YIF1A: variants seen among roughly 807,000 people sequenced by gnomAD.
YIF1A encodes protein YIF1A.
In YIF1A, 28 loss-of-function variants were observed where a neutral mutation model predicts 32.6. That is an observed-to-expected ratio of 0.86 (90% CI 0.64 to 1.18). The LOEUF (loss-of-function observed/expected upper bound fraction) is 1.18. Among genes scored for constraint, YIF1A ranks in the 50% most tolerant of loss-of-function variants. The pLI, the probability that YIF1A is intolerant of heterozygous loss-of-function variation, is 0.00. For missense variants in YIF1A, 373 were observed against 390.8 expected (o/e 0.95, Z 0.38); for synonymous variants, 175 against 162.2 (o/e 1.08, Z -0.60).
intron 1 of YIF1A, among the ~76,000 whole-genome samples, 165 bp downstream of exon 1, chr11:66,288,790 G>A (rs1857404487): frequency 6.6e-6 from 1 of 152,224 alleles, no homozygotes; most frequent in Non-Finnish European, 1.5e-5. Flanking sequence ...ACTGGGCCGA[G>A]AGGGCGAAGT....
chr11:66,288,373 G>A (rs1590897422), intron 1 of YIF1A, 81 bp from the exon 2 acceptor site: 4 of 1,555,052 alleles, frequency 2.6e-6, no homozygotes, highest in Non-Finnish European at 3.5e-6. Context: ...TGGCTGGACA[G>A]CCCTGCACGG....
chr11:66,288,765 C>A (rs918338571), intron 1 of YIF1A, among the ~76,000 whole-genome samples, 190 bp downstream of exon 1: 1 of 152,236 alleles, frequency 6.6e-6, no homozygotes, highest in Non-Finnish European at 1.5e-5. Context: ...CCGACTCCGG[C>A]ATGGGATTCC....
chr11:66,285,551 G>C lies in YIF1A; in HGVS notation c.486-15C>G, dbSNP rs1167070977. The C allele has an allele frequency of 6.2e-7, 1 of 1,612,798 alleles. No individual in the cohort carries two copies. The highest frequency in any genetic ancestry group is 1.7e-5 in the Admixed American group (1 of 60,024). ...CCGGGGAGAACCTGCGCCAAAGCAG[G>C]GGTGGCTCAGAGCCAGGCATCCTGA... On this transcript the variant is annotated splice_polypyrimidine_tract_variant and intron_variant, in intron 5 of 7. Transcript: ENST00000376901.
At position 66,287,606 on chromosome 11, in the gene YIF1A, TA is replaced by T. The variant is rs762897969; in HGVS notation, c.418del (p.Tyr140IlefsTer41). 2.5e-6 allele frequency: 4 copies of T among 1,612,444 alleles called. No individual in the cohort carries two copies. The African/African-American group carries it at 5.3e-5, about 22-fold the overall frequency. ...PRQDLNAPDL[Y>X]IPTMAFITYV... ...CCAGGTTGGAGACTCACTGGGGATATAGAGGTCAGGGGCGTTGAGGTCTTGC... is the reference window on the plus strand; with the variant it reads ...CCAGGTTGGAGACTCACTGGGGATATGAGGTCAGGGGCGTTGAGGTCTTGC... On this transcript the variant is annotated frameshift_variant, in exon 4 of 8. Transcript: ENST00000376901. LOFTEE classifies it high-confidence loss of function.
Position 66,284,957 on chromosome 11 carries a change from G to C in YIF1A, c.651C>G (p.Leu217=), listed in dbSNP as rs878951599. 5 of 1,613,260 alleles carry C rather than the reference G, an allele frequency of 3.1e-6. No individual in the cohort carries two copies. The South Asian group carries it at 5.5e-5, about 18-fold the overall frequency. Residue 217 remains leucine, a synonymous_variant, in exon 7 of 8, where the codon CTC becomes CTG. Coordinates refer to ENST00000376901, the MANE Select transcript of YIF1A (RefSeq NM_020470.3). The stretch of plus-strand genomic sequence containing the variant: ...CGAACAGCAGCCCCGTGAGCACACT[G>C]AGGATCATTCTGGGGGTGGGAGGAG... The part of the protein sequence containing the change: ...YSGYKYVGMI[L]SVLTGLLFGS...
At chr11:66,288,431 G>C (rs978044903) in intron 1 of YIF1A, 139 bp from the exon 2 acceptor site, 7 of 913,360 alleles carry the variant, frequency 7.7e-6, no homozygotes, top group Non-Finnish European at 1.2e-5. Context: ...GGGTGAGGGG[G>C]AGCTAACTGA....
At chr11:66,288,621 G>C (rs1173821577) in intron 1 of YIF1A, among the ~76,000 whole-genome samples, 1 of 152,230 alleles carries the variant, frequency 6.6e-6, no homozygotes, top group Non-Finnish European at 1.5e-5. Context: ...ATAACTGGGA[G>C]GGCATCCTTC....
intron 3 of YIF1A, 50 bp from the exon 4 acceptor site, chr11:66,287,726 A>C: frequency 6.2e-7 from 1 of 1,610,598 alleles, no homozygotes; most frequent in Non-Finnish European, 8.5e-7. Context: ...GAAGAAGAGA[A>C]AAGAGGAGAG....
intron 1 of YIF1A, 79 bp downstream of exon 1, chr11:66,288,876 A>AT (rs1857407995): frequency 7.1e-7 from 1 of 1,403,384 alleles, no homozygotes; most frequent in Admixed American, 3.4e-5. Flanking sequence ...CCCAGTCGCT[A>AT]TCTCCCTCGG....
Position 66,284,942 on chromosome 11 carries a change from C to A in YIF1A, c.666G>T (p.Gly222=). The A allele has an allele frequency of 6.2e-7, 1 of 1,613,298 alleles. No individual in the cohort carries two copies. Among genetic ancestry groups the A allele is most frequent in the Non-Finnish European group, 8.5e-7 (1 of 1,179,968 alleles). ...YVGMILSVLT[G]LLFGSDGYYV... is the part of the protein sequence containing the mutation. ...AGTAGCCATCGCTGCCGAACAGCAGCCCCGTGAGCACACTGAGGATCATTC... is the reference window on the plus strand; with the variant it reads ...AGTAGCCATCGCTGCCGAACAGCAGACCCGTGAGCACACTGAGGATCATTC... The change falls in exon 7 of 8, where the codon GGG becomes GGT. Residue 222 remains glycine, a synonymous_variant. Transcript: ENST00000376901.
At chr11:66,288,449 CTG>C (rs1857398744) in intron 1 of YIF1A, among the ~76,000 whole-genome samples, 157 bp from the exon 2 acceptor site, 1 of 152,232 alleles carries the variant, frequency 6.6e-6, no homozygotes, top group Non-Finnish European at 1.5e-5. Context: ...TGAGAAAAAA[CTG>C]TGATGAGGGA....
chr11:66,288,382 G>C (rs530405286), intron 1 of YIF1A, 90 bp from the exon 2 acceptor site: 5 of 1,492,178 alleles, frequency 3.4e-6, no homozygotes, highest in Non-Finnish European at 4.6e-6. Flanking sequence ...AGCCCTGCAC[G>C]GGTCCTGGAG....
At chr11:66,288,917 C>A (rs538197086) in intron 1 of YIF1A, 38 bp downstream of exon 1, 45 of 1,460,512 alleles carry the variant, frequency 3.1e-5, no homozygotes, top group Admixed American at 8.4e-5. Flanking sequence ...GACTCTCCCC[C>A]CGCCGGCCGC....
intron 7 of YIF1A, 36 bp from the exon 8 acceptor site, chr11:66,284,819 G>A (rs996589378): frequency 6.8e-6 from 11 of 1,611,988 alleles, no homozygotes; most frequent in Admixed American, 1.7e-5. Context: ...GGCCAGGAGG[G>A]GGAGGTTTGC....
Position 66,288,989 on chromosome 11 carries a change from C to T in YIF1A, c.-4G>A, listed in dbSNP as rs942952459. 4.4e-6 allele frequency: 7 copies of T among 1,578,508 alleles called. No individual in the cohort carries two copies. The highest frequency in any genetic ancestry group is 2.4e-5 in the East Asian group (1 of 42,480). On this transcript the variant is annotated 5_prime_UTR_variant, in exon 1 of 8. Transcript: ENST00000376901. ...CGTAGCCCGAGTGATAAGCCATGGC[C>T]GCGACGCTCGCTGTCCCCGAGGGCC... is the stretch of plus-strand genomic sequence containing the variant.
At position 66,284,851 on chromosome 11, in the gene YIF1A, T is replaced by TG. The variant is rs750015700; in HGVS notation, c.735+21dup. 122 of 1,609,070 alleles carry TG rather than the reference T, an allele frequency of 7.6e-5. No homozygotes were observed. The Middle Eastern group carries it at 8.3e-4, about 11-fold the overall frequency. The stretch of plus-strand genomic sequence containing the variant: ...TTGCCCTCAAGTGAAGGCAGGGGAA[T>TG]GGGGGGGTGCACCAGACTCACAATG... On this transcript the variant is annotated intron_variant, in intron 7 of 7. Transcript: ENST00000376901.
chr11:66,286,279 C>T (rs747311440), intron 4 of YIF1A, among the ~76,000 whole-genome samples: 6 of 152,334 alleles, frequency 3.9e-5, no homozygotes, highest in Non-Finnish European at 5.9e-5. Context: ...CAGTGGGAGC[C>T]GGGCATTAGC....
rs749312731 is a variant in YIF1A at position 66,287,635 on chromosome 11, G to C, written c.390C>G (p.Pro130=). The change falls in exon 4 of 8, where the codon CCC becomes CCG. Residue 130 remains proline, a synonymous_variant. Transcript: ENST00000376901. ...GGTCAGGGGCGTTGAGGTCTTGCCG[G>C]GGGGGCAGAGGAGCATCACGACTGT... ...VQYSRDAPLP[P]RQDLNAPDLY... is the part of the protein sequence containing the mutation. 1.7e-5 allele frequency: 27 copies of C among 1,613,574 alleles called. No homozygotes were observed. The highest frequency in any genetic ancestry group is 4.5e-5 in the East Asian group (2 of 44,898).
At position 66,285,029 on chromosome 11, in the gene YIF1A, C is replaced by T. The variant is rs1663986771; in HGVS notation, c.642-63G>A. On this transcript the variant is annotated intron_variant, in intron 6 of 7. Transcript: ENST00000376901. ...GGGTCTAGGCCTGAGATTGGCCCTA[C>T]CCCCAACGCCCAGAGCCCAGCTAGA... 2.6e-6 allele frequency: 4 copies of T among 1,537,002 alleles called. No homozygotes were observed. The African/African-American group carries it at 4.1e-5, about 16-fold the overall frequency.
Sources: gnomAD v4.1 joint callset for allele counts (sites outside exome capture counted in the v4.1 genomes callset) on GRCh38, gnomAD v4.1.1 for gene constraint, MANE v1.5 for transcripts, NCBI Gene and HGNC (gene_info 2026-07-23, HGNC 2026-07-21) for gene names.